SLC15A1: variants seen among roughly 807,000 people sequenced by gnomAD.
The protein encoded by SLC15A1 is Caco-2 oligopeptide transporter.
SLC15A1 carries 83 observed loss-of-function variants against 92.9 expected under a neutral mutation model. The ratio of observed to expected loss-of-function variants is 0.89; its 90% CI spans 0.75 to 1.07. The LOEUF is 1.07. SLC15A1 is among the 50% of genes least tolerant of loss of function. SLC15A1 has a pLI of 0.00. For missense variants in SLC15A1, 857 were observed against 880.1 expected (o/e 0.97, Z 0.33); for synonymous variants, 322 against 318.2 (o/e 1.01, Z -0.13).
chr13:98,732,166 T>C (rs2088356071), intron 1 of SLC15A1, among the ~76,000 whole-genome samples: 1 of 152,246 alleles, frequency 6.6e-6, no homozygotes, highest in African/African-American at 2.4e-5. Context: ...TTTACTTTGG[T>C]GCAGTCCTGT....
intron 18 of SLC15A1, among the ~76,000 whole-genome samples, chr13:98,693,340 T>G (rs1481656935): frequency 6.6e-6 from 1 of 151,790 alleles, no homozygotes; most frequent in Non-Finnish European, 1.5e-5. Flanking sequence ...TCAGGTGACC[T>G]GCTCACATTG....
At chr13:98,686,532 T>C (rs529999508) in intron 21 of SLC15A1, among the ~76,000 whole-genome samples, 15 of 152,314 alleles carry the variant, frequency 9.8e-5, no homozygotes, top group Admixed American at 5.9e-4. Flanking sequence ...GCTGTCCCCT[T>C]AGTTAAATGG....
At chr13:98,712,015 T>A (rs2088167755) in intron 10 of SLC15A1, 72 bp from the exon 11 acceptor site, 2 of 1,133,146 alleles carry the variant, frequency 1.8e-6, no homozygotes, top group Non-Finnish European at 2.7e-6. Flanking sequence ...TTACAGGTGC[T>A]GCTGATTTCA....
At chr13:98,719,216 A>G (rs781151381) in intron 8 of SLC15A1, 21 bp downstream of exon 8, 7 of 1,594,178 alleles carry the variant, frequency 4.4e-6, no homozygotes, top group Non-Finnish European at 6.0e-6. Flanking sequence ...GCTTCTATTA[A>G]TTCAACCGAT....
At chr13:98,749,124 C>T (rs1415275149) in intron 1 of SLC15A1, among the ~76,000 whole-genome samples, 8 of 152,214 alleles carry the variant, frequency 5.3e-5, no homozygotes, top group Admixed American at 2.6e-4. Context: ...TAGCTTGCAG[C>T]AGGGACACCA....
At chr13:98,686,434 A>C in intron 21 of SLC15A1, 137 bp from the exon 22 acceptor site, 1 of 651,858 alleles carries the variant, frequency 1.5e-6, no homozygotes, top group Non-Finnish European at 2.8e-6. Flanking sequence ...CAATGTAAAA[A>C]GGATCATCAC....
At chr13:98,691,421 C>A (rs532536671) in intron 18 of SLC15A1, among the ~76,000 whole-genome samples, 1 of 152,164 alleles carries the variant, frequency 6.6e-6, no homozygotes, top group Non-Finnish European at 1.5e-5. Flanking sequence ...TTTATTTGTA[C>A]GCTTTCTCTA....
Position 98,726,495 on chromosome 13 carries a change from G to C in SLC15A1, c.22-46C>G, listed in dbSNP as rs1446316200. 8 of 1,552,082 alleles carry C rather than the reference G, an allele frequency of 5.2e-6. No homozygotes were observed. The African/African-American group carries it at 8.2e-5, about 16-fold the overall frequency. On this transcript the variant is annotated intron_variant, in intron 2 of 22. Transcript: ENST00000376503. ...ACAGGATTGAAATACACCCCCCACT[G>C]GTCCATAGCCACAAAGGAGCACCAG...
rs112636698 is a variant in SLC15A1, at chr13:98,741,368, T to C, written c.4+11227A>G. 7.9e-3 allele frequency among the ~76,000 whole-genome samples: 1,197 copies of C among 152,266 alleles called. 14 individuals are homozygous for C. The highest frequency in any genetic ancestry group is 0.024 in the African/African-American group (981 of 41,558). On this transcript the variant is annotated intron_variant, in intron 1 of 22. Coordinates refer to ENST00000376503, the MANE Select transcript of SLC15A1 (RefSeq NM_005073.4). ...TGGCTCACACCTGTAATCCCAGCAT[T>C]TTGGGAGGCCAAGGCGGAGGGATCA...
At chr13:98,716,666 G>T (rs1192314299) in intron 8 of SLC15A1, among the ~76,000 whole-genome samples, 6 of 152,088 alleles carry the variant, frequency 3.9e-5, no homozygotes, top group Non-Finnish European at 8.8e-5. Context: ...TCTTCTGAAT[G>T]CAATGGGAAG....
At chr13:98,742,565 G>A (rs1259242577) in intron 1 of SLC15A1, among the ~76,000 whole-genome samples, 1 of 152,160 alleles carries the variant, frequency 6.6e-6, no homozygotes, top group Non-Finnish European at 1.5e-5. Context: ...CAGTTCTGGA[G>A]GCCGGAAGTC....
chr13:98,751,967 AGGGT>A (rs1181276434), intron 1 of SLC15A1, among the ~76,000 whole-genome samples: 2 of 152,174 alleles, frequency 1.3e-5, no homozygotes, highest in African/African-American at 2.4e-5. Context: ...CCTTAGTTCC[AGGGT>A]GATTAATTCG....
At chr13:98,744,409 T>G (rs914722414) in intron 1 of SLC15A1, among the ~76,000 whole-genome samples, 1 of 151,670 alleles carries the variant, frequency 6.6e-6, no homozygotes, top group African/African-American at 2.4e-5. Flanking sequence ...AAGTATGACG[T>G]TAGGGTATAA....
At chr13:98,739,036 A>G (rs1217585383) in intron 1 of SLC15A1, among the ~76,000 whole-genome samples, 1 of 152,232 alleles carries the variant, frequency 6.6e-6, no homozygotes, top group African/African-American at 2.4e-5. Flanking sequence ...ATAGAATTAC[A>G]GGAAACTATT....
At chr13:98,734,582 C>A (rs1355726419) in intron 1 of SLC15A1, among the ~76,000 whole-genome samples, 1 of 152,114 alleles carries the variant, frequency 6.6e-6, no homozygotes, top group African/African-American at 2.4e-5. Flanking sequence ...CTTAATACTG[C>A]ACTTTTCCAA....
intron 1 of SLC15A1, among the ~76,000 whole-genome samples, chr13:98,740,248 G>C (rs77279311): frequency 0.019 from 2,879 of 152,308 alleles, 32 homozygotes; most frequent in Non-Finnish European, 0.029. Flanking sequence ...AACATGCCTG[G>C]GGCAGGGAGG....
chr13:98,706,242 T>A lies in SLC15A1; in HGVS notation c.1161A>T (p.Pro387=). 6.2e-7 allele frequency: 1 copy of A among 1,612,268 alleles called. No homozygotes were observed. The highest frequency in any genetic ancestry group is 8.5e-7 in the Non-Finnish European group (1 of 1,179,460). The change falls in exon 16 of 23, where the codon CCA becomes CCT. Residue 387 remains proline, a synonymous_variant. Coordinates refer to ENST00000376503, the MANE Select transcript of SLC15A1 (RefSeq NM_005073.4). ...IVQVEIDKTL[P]VFPKGNEVQI... is the part of the protein sequence containing the mutation. ...GGACTTCGTTTCCTTTGGGGAAGACTGGAAGAGTTTTCTGAGCAAAATAAA... is the reference window on the plus strand; with the variant it reads ...GGACTTCGTTTCCTTTGGGGAAGACAGGAAGAGTTTTCTGAGCAAAATAAA...
At chr13:98,727,378 T>C (rs1335492979) in intron 1 of SLC15A1, among the ~76,000 whole-genome samples, 1 of 152,156 alleles carries the variant, frequency 6.6e-6, no homozygotes. Flanking sequence ...TGTGCCTACA[T>C]CACCATACTG....
At chr13:98,734,544 T>C (rs553965732) in intron 1 of SLC15A1, among the ~76,000 whole-genome samples, 14 of 152,166 alleles carry the variant, frequency 9.2e-5, no homozygotes, top group African/African-American at 2.7e-4. Context: ...AAGGGAAGAC[T>C]GTACCAGGAA....
Sources: allele counts gnomAD v4.1 joint callset (sites outside exome capture counted in the v4.1 genomes callset), GRCh38; gene constraint gnomAD v4.1.1; transcripts MANE v1.5; gene names NCBI Gene and HGNC (gene_info 2026-07-23, HGNC 2026-07-21).